Variants in ARHGEF3 observed in about 807,000 individuals in gnomAD.
ARHGEF3 encodes the protein 59.8 kDA protein.
ARHGEF3 carries 28 observed loss-of-function variants against 63.2 expected under a neutral mutation model. The observed-to-expected ratio is 0.44, with a 90% CI of 0.33 to 0.61. ARHGEF3 has a LOEUF of 0.61. Ranked by LOEUF, ARHGEF3 falls within the 20% of genes least tolerant of loss-of-function variation. ARHGEF3 has a pLI of 0.03. For missense variants in ARHGEF3, 533 were observed against 659.3 expected (o/e 0.81, Z 2.10); for synonymous variants, 266 against 254.2 (o/e 1.05, Z -0.44).
chr3:56,881,887 T>G (rs936945101), intron 4 of ARHGEF3, among the ~76,000 whole-genome samples: 1 of 152,240 alleles, frequency 6.6e-6, no homozygotes, highest in East Asian at 1.9e-4. Context: ...ACTATGCTTC[T>G]GGAGTCTTAT....
chr3:56,917,889 C>A (rs75780833), intron 3 of ARHGEF3, among the ~76,000 whole-genome samples: 1 of 152,212 alleles, frequency 6.6e-6, no homozygotes, highest in Admixed American at 6.5e-5. Flanking sequence ...AAAAGCCTTA[C>A]GCCTTTCAGG....
chr3:57,076,670 C>T (rs888756491), intron 1 of ARHGEF3: 1 of 152,228 alleles, frequency 6.6e-6, no homozygotes, highest in African/African-American at 2.4e-5. Flanking sequence ...AAGTATGCTA[C>T]ATTAATGGTC....
intron 3 of ARHGEF3, among the ~76,000 whole-genome samples, chr3:56,910,397 T>A (rs1365243225): frequency 6.6e-6 from 1 of 152,156 alleles, no homozygotes; most frequent in African/African-American, 2.4e-5. Flanking sequence ...ACAGTCAAAA[T>A]CACTAGAGGC....
intron 2 of ARHGEF3, among the ~76,000 whole-genome samples, chr3:56,756,431 C>A (rs902189214): frequency 7.2e-5 from 11 of 152,150 alleles, no homozygotes; most frequent in Non-Finnish European, 1.2e-4. Context: ...TCCATTTCTC[C>A]AACCATACTA....
chr3:57,001,946 C>T (rs1355157599), intron 2 of ARHGEF3, among the ~76,000 whole-genome samples: 7 of 98,100 alleles, frequency 7.1e-5, no homozygotes, highest in Admixed American at 1.7e-4. Context: ...TGTTTTGAGA[C>T]GGAGTCTCAC....
chr3:56,914,776 A>T (rs1404389504), intron 3 of ARHGEF3, among the ~76,000 whole-genome samples: 1 of 152,202 alleles, frequency 6.6e-6, no homozygotes, highest in Non-Finnish European at 1.5e-5. Flanking sequence ...CTCTACTTAT[A>T]TGAGATACTT....
intron 2 of ARHGEF3, among the ~76,000 whole-genome samples, chr3:56,763,250 C>T (rs1278923420): frequency 1.3e-5 from 2 of 152,098 alleles, no homozygotes; most frequent in African/African-American, 4.8e-5. Flanking sequence ...TGGCCAAGTC[C>T]CTGGCACTCG....
chr3:56,971,707 T>C (rs1700918509), intron 2 of ARHGEF3, among the ~76,000 whole-genome samples: 1 of 150,994 alleles, frequency 6.6e-6, no homozygotes, highest in Non-Finnish European at 1.5e-5. Flanking sequence ...AAAAAAAAAT[T>C]AGTGGGCATG....
At chr3:56,855,850 A>C (rs747572167) in intron 4 of ARHGEF3, among the ~76,000 whole-genome samples, 1 of 152,202 alleles carries the variant, frequency 6.6e-6, no homozygotes, top group Non-Finnish European at 1.5e-5. Context: ...TGATGATGAC[A>C]CAGTTACCGT....
chr3:57,056,580 C>A (rs181353760), intron 1 of ARHGEF3, among the ~76,000 whole-genome samples: 1 of 151,958 alleles, frequency 6.6e-6, no homozygotes, highest in East Asian at 1.9e-4. Context: ...GCTGGAACAT[C>A]CATGAGACCA....
chr3:56,883,432 TGGGACCAC>T (rs1304600928), intron 3 of ARHGEF3, among the ~76,000 whole-genome samples: 3 of 152,002 alleles, frequency 2.0e-5, no homozygotes, highest in Non-Finnish European at 2.9e-5. Flanking sequence ...CCCAAGTAGC[TGGGACCAC>T]AGGAGCACAC....
chr3:56,878,695 G>A (rs1056666741), intron 4 of ARHGEF3, among the ~76,000 whole-genome samples: 15 of 152,154 alleles, frequency 9.9e-5, no homozygotes, highest in Admixed American at 9.8e-4. Context: ...AACAGATTCC[G>A]GAAAGAGTTA....
At chr3:56,910,091 G>A (rs941796068) in intron 3 of ARHGEF3, among the ~76,000 whole-genome samples, 1 of 152,138 alleles carries the variant, frequency 6.6e-6, no homozygotes, top group Non-Finnish European at 1.5e-5. Flanking sequence ...ACTGAGTTTC[G>A]GGGTAGCTGT....
intron 1 of ARHGEF3, among the ~76,000 whole-genome samples, chr3:56,799,752 C>A (rs559907192): frequency 1.6e-4 from 25 of 152,230 alleles, no homozygotes; most frequent in African/African-American, 5.8e-4. Flanking sequence ...TTTCTTTTTC[C>A]AATTTTGCCA....
rs1003151547 is a variant in ARHGEF3 at position 56,824,929 on chromosome 3, T to C, written c.193-51113A>G. Among the ~76,000 whole-genome samples, 8 of 152,310 alleles carry C rather than the reference T, an allele frequency of 5.3e-5. No homozygotes were observed. The East Asian group carries it at 1.2e-3, about 22-fold the overall frequency. On this transcript the variant is annotated intron_variant, in intron 4 of 12. Coordinates refer to the ARHGEF3 transcript ENST00000338458. ...AAGATTTTGTTAAACGATGTATACCTGTAAAAAAGAGTGAAGAAACTCTGT... is the reference window on the plus strand; with the variant it reads ...AAGATTTTGTTAAACGATGTATACCCGTAAAAAAGAGTGAAGAAACTCTGT...
chr3:56,739,652 G>A (rs553481411), intron 7 of ARHGEF3, among the ~76,000 whole-genome samples: 2 of 152,032 alleles, frequency 1.3e-5, no homozygotes, highest in South Asian at 2.1e-4. Context: ...TGCCTGCCTC[G>A]GCCTCCCAAA....
chr3:56,973,237 T>G (rs1165656082), intron 2 of ARHGEF3, among the ~76,000 whole-genome samples: 1 of 152,116 alleles, frequency 6.6e-6, no homozygotes, highest in Non-Finnish European at 1.5e-5. Context: ...CAGGCTGGTC[T>G]CGATCTCCTG....
chr3:57,073,768 ACT>A, intron 1 of ARHGEF3: 2 of 1,613,990 alleles, frequency 1.2e-6, no homozygotes, highest in Non-Finnish European at 1.7e-6. Flanking sequence ...AAGGCACTAG[ACT>A]CTTCCAGACT....
chr3:56,756,878 G>GC (rs1232958054), intron 2 of ARHGEF3, among the ~76,000 whole-genome samples: 1 of 152,088 alleles, frequency 6.6e-6, no homozygotes, highest in Non-Finnish European at 1.5e-5. Context: ...CTGCCCTCGG[G>GC]ATGTAACTCA....
Sources: gnomAD v4.1 joint callset for allele counts (sites outside exome capture counted in the v4.1 genomes callset) on GRCh38, gnomAD v4.1.1 for gene constraint, MANE v1.5 for transcripts, NCBI Gene and HGNC (gene_info 2026-07-23, HGNC 2026-07-21) for gene names.